TRAFD1: variants seen among roughly 807,000 people sequenced by gnomAD.
TRAFD1 encodes the protein TRAF-type zinc finger domain containing 1.
A neutral mutation model predicts 65.3 loss-of-function variants in TRAFD1; 38 were observed. The observed-to-expected ratio is 0.58, with a 90% CI of 0.45 to 0.76. The LOEUF (loss-of-function observed/expected upper bound fraction) is 0.76. Among genes scored for constraint, TRAFD1 ranks in the 30% least tolerant of loss-of-function variants. The pLI, the probability that TRAFD1 is intolerant of heterozygous loss-of-function variation, is 0.00. For missense variants in TRAFD1, 631 were observed against 712.6 expected (o/e 0.89, Z 1.30); for synonymous variants, 223 against 257.2 (o/e 0.87, Z 1.27).
At chr12:112,142,654 A>G (rs554318981) in intron 6 of TRAFD1, among the ~76,000 whole-genome samples, 5 of 152,108 alleles carry the variant, frequency 3.3e-5, no homozygotes, top group African/African-American at 1.2e-4. Flanking sequence ...GTCTCAAAAA[A>G]AAAAGGCTCT....
chr12:112,144,657 G>T (rs955389709), intron 6 of TRAFD1, among the ~76,000 whole-genome samples: 42 of 152,264 alleles, frequency 2.8e-4, no homozygotes, highest in South Asian at 2.1e-4. Flanking sequence ...GAGACGGGAG[G>T]TTCATTTGAG....
chr12:112,144,589 G>A (rs896267385), intron 6 of TRAFD1, among the ~76,000 whole-genome samples: 1 of 152,136 alleles, frequency 6.6e-6, no homozygotes, highest in African/African-American at 2.4e-5. Context: ...CTTTTAAAAA[G>A]CATAAACGTA....
At chr12:112,149,925 C>G in intron 9 of TRAFD1, 54 bp downstream of exon 9, 1 of 1,604,508 alleles carries the variant, frequency 6.2e-7, no homozygotes, top group Non-Finnish European at 8.5e-7. Context: ...TGGCTCCGGC[C>G]TGTTTACCAC....
intron 1 of TRAFD1, among the ~76,000 whole-genome samples, chr12:112,128,620 C>T (rs941057100): frequency 6.6e-6 from 1 of 152,088 alleles, no homozygotes; most frequent in Non-Finnish European, 1.5e-5. Flanking sequence ...CATCATGTAC[C>T]TTCTGATATA....
intron 4 of TRAFD1, 111 bp from the exon 5 acceptor site, chr12:112,140,708 C>T: frequency 1.6e-6 from 2 of 1,280,538 alleles, no homozygotes; most frequent in Non-Finnish European, 2.2e-6. Flanking sequence ...GTAGGAGAAT[C>T]AAGGGTTGGA....
chr12:112,134,880 C>T lies in TRAFD1; in HGVS notation c.183+7C>T, dbSNP rs762726790. 6.2e-7 allele frequency: 1 copy of T among 1,612,100 alleles called. No individual in the cohort carries two copies. The highest frequency in any genetic ancestry group is 8.5e-7 in the Non-Finnish European group (1 of 1,178,186). ...GGCTGCAGAACACTGTCAGGTGAGCCACCAAGTACTCAAATGTTTATACAT... is the reference window on the plus strand; with the variant it reads ...GGCTGCAGAACACTGTCAGGTGAGCTACCAAGTACTCAAATGTTTATACAT... On this transcript the variant is annotated splice_region_variant and intron_variant, in intron 3 of 11. Transcript: ENST00000412615.
rs534589747 is a variant in TRAFD1 at position 112,126,945 on chromosome 12, C to T, written c.-13+1327C>T. On this transcript the variant is annotated intron_variant, in intron 1 of 11. Coordinates refer to ENST00000412615, the MANE Select transcript of TRAFD1 (RefSeq NM_006700.3). ...CTGGGATTACAGGCGTGAGCTGCTG[C>T]GCCCAGCCCAGAATGGGTGTCTTGA... Among the ~76,000 whole-genome samples, 10 of 152,322 alleles carry T rather than the reference C, an allele frequency of 6.6e-5. No individual in the cohort carries two copies. In the South Asian group the frequency reaches 1.7e-3, roughly 25 times the overall value.
At chr12:112,147,109 C>T (rs1027357354) in intron 7 of TRAFD1, among the ~76,000 whole-genome samples, 4 of 147,008 alleles carry the variant, frequency 2.7e-5, no homozygotes, top group African/African-American at 7.6e-5. Context: ...CGGCTGTTCT[C>T]CTGCCTTAGC....
At chr12:112,150,495 T>C (rs1448400142) in intron 9 of TRAFD1, among the ~76,000 whole-genome samples, 2 of 152,188 alleles carry the variant, frequency 1.3e-5, no homozygotes, top group Non-Finnish European at 2.9e-5. Context: ...GTAGTCCTCC[T>C]GCCTTGGACT....
At chr12:112,135,196 T>C in intron 4 of TRAFD1, 130 bp downstream of exon 4, 1 of 1,063,230 alleles carries the variant, frequency 9.4e-7, no homozygotes, top group Non-Finnish European at 1.4e-6. Context: ...TCTCAAAGCC[T>C]GTTTGAGGCC....
Position 112,142,276 on chromosome 12 carries a change from GTC to G in TRAFD1, c.836_837del (p.Leu279GlnfsTer2). On this transcript the variant is annotated frameshift_variant, in exon 6 of 12. Transcript: ENST00000412615. LOFTEE classifies it high-confidence loss of function. ...CCGACCAGTCTCATGGCGGTCCCAG[GTC>G]TCTCAGTGACATAAAGGGTAGGCTT... ...EADQSHGGPR[S>X]LSDIKGAADE... The G allele has an allele frequency of 1.2e-6, 2 of 1,613,596 alleles. No homozygotes were observed. Among genetic ancestry groups the G allele is most frequent in the Non-Finnish European group, 1.7e-6 (2 of 1,179,618 alleles).
chr12:112,142,623 C>T (rs1354315489), intron 6 of TRAFD1, among the ~76,000 whole-genome samples: 1 of 151,520 alleles, frequency 6.6e-6, no homozygotes, highest in Non-Finnish European at 1.5e-5. Context: ...GCACTCCAGC[C>T]TGGTGACAGA....
At position 112,126,468 on chromosome 12, in the gene TRAFD1, A is replaced by G. The variant is rs115336474; in HGVS notation, c.-13+850A>G. Among the ~76,000 whole-genome samples, 405 of 152,276 alleles carry G rather than the reference A, an allele frequency of 2.7e-3. 6 individuals are homozygous for G. The highest frequency in any genetic ancestry group is 9.5e-3 in the African/African-American group (396 of 41,566). On this transcript the variant is annotated intron_variant, in intron 1 of 11. Transcript: ENST00000412615. ...GAGGCCCAGAGAGGTTAAATCTGGC[A>G]GAACCAGCCAGACCTTGACCCCCAG...
chr12:112,141,819 T>C (rs1006398622), intron 5 of TRAFD1: 1 of 385,212 alleles, frequency 2.6e-6, no homozygotes, highest in Non-Finnish European at 4.8e-6. Flanking sequence ...AAAATAAGTA[T>C]AAAATGTTTA....
intron 7 of TRAFD1, among the ~76,000 whole-genome samples, chr12:112,145,913 G>A (rs575088173): frequency 1.3e-5 from 2 of 150,312 alleles, no homozygotes; most frequent in South Asian, 2.1e-4. Flanking sequence ...GTAAACTATC[G>A]CAAGGACAAA....
At position 112,134,834 on chromosome 12, in the gene TRAFD1, A is replaced by G. The variant is rs1267132725; in HGVS notation, c.144A>G (p.Lys48=). 6 of 1,613,596 alleles carry G rather than the reference A, an allele frequency of 3.7e-6. No homozygotes were observed. The Admixed American group carries it at 1.0e-4, about 27-fold the overall frequency. Residue 48 remains lysine (K), a synonymous_variant, in exon 3 of 12, where the codon AAA becomes AAG. Transcript: ENST00000412615. ...CTACCTGTAAGGAACCATTTCCCAA[A>G]TCTGACATGGAGACTCACATGGCTG... is the stretch of plus-strand genomic sequence containing the variant. The part of the protein sequence containing the change: ...MCPTCKEPFP[K]SDMETHMAAE...
At position 112,130,364 on chromosome 12, in the gene TRAFD1, C is replaced by T; in HGVS notation, c.-12-147C>T. 2 of 469,456 alleles carry T rather than the reference C, an allele frequency of 4.3e-6. No homozygotes were observed. The highest frequency in any genetic ancestry group is 2.0e-5 in the African/African-American group (1 of 50,184). 29.1% of individuals were successfully genotyped at this position (469,456 alleles called of 1,614,324 possible). A position where few individuals can be genotyped will look rare whatever the true frequency, so the allele number is the denominator to read the frequency against. ...ATTGAAAATTTTAAAATAAGAAAAT[C>T]CCAAGGGACTGGATATTGAATAAAA... On this transcript the variant is annotated intron_variant, in intron 1 of 11. Transcript: ENST00000412615. The surrounding 1 kb of genome is among the most constrained non-coding windows in gnomAD (Gnocchi z 4.4).
At chr12:112,138,148 A>G (rs1241425769) in intron 4 of TRAFD1, among the ~76,000 whole-genome samples, 1 of 152,104 alleles carries the variant, frequency 6.6e-6, no homozygotes, top group African/African-American at 2.4e-5. Context: ...GGGCTGAGGT[A>G]CGATATTGTT....
At chr12:112,138,922 C>T (rs1311850880) in intron 4 of TRAFD1, among the ~76,000 whole-genome samples, 3 of 151,578 alleles carry the variant, frequency 2.0e-5, no homozygotes, top group Non-Finnish European at 4.4e-5. Flanking sequence ...ATTTTCAGCA[C>T]TGTTTGTATA....
Sources: gnomAD v4.1 joint callset for allele counts (sites outside exome capture counted in the v4.1 genomes callset) on GRCh38, gnomAD v4.1.1 for gene constraint, Gnocchi (gnomAD v3.1) non-coding constraint, MANE v1.5 for transcripts, NCBI Gene and HGNC (gene_info 2026-07-23, HGNC 2026-07-21) for gene names.